Variants in PIGU observed in about 807,000 individuals in gnomAD.
PIGU encodes phosphatidylinositol glycan anchor biosynthesis class U.
PIGU carries 24 observed loss-of-function variants against 49.9 expected under a neutral mutation model. The observed-to-expected ratio is 0.48, with a 90% CI of 0.35 to 0.68. The LOEUF is 0.68. PIGU is among the 30% of genes least tolerant of loss of function. PIGU has a pLI of 0.01. For synonymous variants in PIGU, 220 were observed against 205.7 expected, an observed-to-expected ratio of 1.07 and a Z score of -0.59; for missense variants, 490 against 532.6, an observed-to-expected ratio of 0.92 and a Z score of 0.79.
intron 7 of PIGU, among the ~76,000 whole-genome samples, chr20:34,611,856 A>G (rs901744621): frequency 6.6e-6 from 1 of 152,186 alleles, no homozygotes; most frequent in African/African-American, 2.4e-5. Context: ...TAAAGTCTGG[A>G]AAAACAGATG....
chr20:34,582,389 G>T (rs751178186), intron 9 of PIGU, among the ~76,000 whole-genome samples: 2 of 152,076 alleles, frequency 1.3e-5, no homozygotes, highest in Non-Finnish European at 2.9e-5. Flanking sequence ...CTCAAGGCAG[G>T]CAATCCTGGG....
intron 1 of PIGU, among the ~76,000 whole-genome samples, chr20:34,659,137 C>T (rs1254518220): frequency 2.1e-4 from 28 of 130,378 alleles, no homozygotes; most frequent in South Asian, 9.8e-4. Flanking sequence ...CGCCTCTGCC[C>T]GGCTGCCCCT....
At chr20:34,660,378 C>T (rs1009339930) in intron 1 of PIGU, among the ~76,000 whole-genome samples, 3 of 152,132 alleles carry the variant, frequency 2.0e-5, no homozygotes, top group Non-Finnish European at 4.4e-5. Flanking sequence ...TGAGGTCAGG[C>T]GTTCAAGACC....
At chr20:34,659,127 C>T (rs1181583470) in intron 1 of PIGU, among the ~76,000 whole-genome samples, 15 of 126,166 alleles carry the variant, frequency 1.2e-4, no homozygotes, top group African/African-American at 3.1e-4. Flanking sequence ...AGGTGAGGGG[C>T]GCCTCTGCCC....
rs760833968 is a variant in PIGU at position 34,575,209 on chromosome 20, G to A, written c.1089C>T (p.Ile363=). ...RNIFVLTCII[I]VCSLLFPVLW... is the part of the protein sequence containing the mutation. ...GGACAGGGAAGAGCAGGGAACAGACGATGATGATGCAGGTGAGGACAAAGA... is the reference window on the plus strand; with the variant it reads ...GGACAGGGAAGAGCAGGGAACAGACAATGATGATGCAGGTGAGGACAAAGA... Residue 363 remains isoleucine, a synonymous_variant, in exon 11 of 12, where the codon ATC becomes ATT. Coordinates refer to ENST00000217446, the MANE Select transcript of PIGU (RefSeq NM_080476.5). 6 of 1,614,052 alleles carry A rather than the reference G, an allele frequency of 3.7e-6. No individual in the cohort carries two copies. The highest frequency in any genetic ancestry group is 2.7e-5 in the African/African-American group (2 of 74,920).
At chr20:34,629,319 G>A (rs1011885435) in intron 6 of PIGU, among the ~76,000 whole-genome samples, 11 of 152,172 alleles carry the variant, frequency 7.2e-5, no homozygotes, top group African/African-American at 2.2e-4. Flanking sequence ...ACCATGCCGG[G>A]CCATATGTTA....
At chr20:34,623,173 G>C (rs776395072) in intron 6 of PIGU, among the ~76,000 whole-genome samples, 1 of 151,754 alleles carries the variant, frequency 6.6e-6, no homozygotes, top group Non-Finnish European at 1.5e-5. Context: ...TACCAAGACA[G>C]GCAGAAACGC....
At chr20:34,628,283 G>T (rs994574459) in intron 6 of PIGU, among the ~76,000 whole-genome samples, 5 of 152,014 alleles carry the variant, frequency 3.3e-5, no homozygotes, top group Non-Finnish European at 7.4e-5. Context: ...AGGAGTTCAA[G>T]ACCAGCCTGG....
At position 34,670,487 on chromosome 20, in the gene PIGU, G is replaced by A. The variant is rs960001958; in HGVS notation, c.130+6469C>T. On this transcript the variant is annotated intron_variant, in intron 1 of 11. Coordinates refer to ENST00000217446, the MANE Select transcript of PIGU (RefSeq NM_080476.5). ...TGGGATTACAGGTGTGAGCCACCTC[G>A]CCTGGCCATAAAGGCTTTTTTAAGT... Among the ~76,000 whole-genome samples, 5 of 151,718 alleles carry A rather than the reference G, an allele frequency of 3.3e-5. No individual in the cohort carries two copies. In the South Asian group the frequency reaches 8.3e-4, roughly 25 times the overall value.
At chr20:34,622,536 A>C (rs1177365216) in intron 6 of PIGU, among the ~76,000 whole-genome samples, 1 of 152,118 alleles carries the variant, frequency 6.6e-6, no homozygotes, top group African/African-American at 2.4e-5. Context: ...AAAAACAAAA[A>C]AAAAGTTACA....
At chr20:34,561,152 T>A (rs1982488978) in intron 11 of PIGU, among the ~76,000 whole-genome samples, 173 bp from the exon 12 acceptor site, 1 of 152,144 alleles carries the variant, frequency 6.6e-6, no homozygotes, top group Non-Finnish European at 1.5e-5. Flanking sequence ...TAATTGACCC[T>A]GCAAGGTCTG....
At position 34,560,905 on chromosome 20, in the gene PIGU, G is replaced by T. The variant is rs372633825; in HGVS notation, c.1269C>A (p.Thr423=). ...GCATGGCCTCTGTGCCATCCTTGGC[G>T]GTCAAGTAGAGGCCATGTGTGAGGT... ...EYYLTHGLYL[T]AKDGTEAMLV... Residue 423 remains threonine (T), a synonymous_variant, in exon 12 of 12, where the codon ACC becomes ACA. Transcript: ENST00000217446. The T allele has an allele frequency of 2.5e-6, 4 of 1,612,444 alleles. No individual in the cohort carries two copies. The highest frequency in any genetic ancestry group is 2.2e-5 in the East Asian group (1 of 44,792).
chr20:34,593,139 C>T (rs1011273301), intron 7 of PIGU, among the ~76,000 whole-genome samples: 2 of 151,960 alleles, frequency 1.3e-5, no homozygotes, highest in African/African-American at 4.8e-5. Flanking sequence ...GAGTTCAAGA[C>T]CAGCCTGAGC....
At chr20:34,634,588 C>A (rs754889731) in intron 6 of PIGU, 27 bp downstream of exon 6, 1 of 1,608,342 alleles carries the variant, frequency 6.2e-7, no homozygotes, top group Admixed American at 1.7e-5. Context: ...AGGGACTGAC[C>A]TTTGTACTCT....
chr20:34,568,860 C>A (rs1005464240), intron 11 of PIGU, among the ~76,000 whole-genome samples: 2 of 152,078 alleles, frequency 1.3e-5, no homozygotes, highest in African/African-American at 2.4e-5. Context: ...CCCCTCATGG[C>A]AAATAGGCAG....
chr20:34,610,739 T>C (rs1395468535), intron 7 of PIGU, among the ~76,000 whole-genome samples: 7 of 152,130 alleles, frequency 4.6e-5, no homozygotes. Flanking sequence ...AAAGAGCCTG[T>C]GTAGCCAAGA....
At chr20:34,634,779 A>G in intron 5 of PIGU, 64 bp from the exon 6 acceptor site, 1 of 1,573,860 alleles carries the variant, frequency 6.4e-7, no homozygotes, top group Non-Finnish European at 8.6e-7. Flanking sequence ...CCATTACAGC[A>G]AGGAAGTTCC....
chr20:34,670,058 G>T (rs1343664972), intron 1 of PIGU, among the ~76,000 whole-genome samples: 1 of 152,174 alleles, frequency 6.6e-6, no homozygotes, highest in Non-Finnish European at 1.5e-5. Flanking sequence ...ACGAAGGGGG[G>T]CTTCTGAAGT....
intron 1 of PIGU, among the ~76,000 whole-genome samples, chr20:34,671,165 C>T (rs905782910): frequency 6.6e-6 from 1 of 152,122 alleles, no homozygotes; most frequent in African/African-American, 2.4e-5. Flanking sequence ...TAACAGTTTG[C>T]CATTTTAGAG....
Sources: allele counts gnomAD v4.1 joint callset (sites outside exome capture counted in the v4.1 genomes callset), GRCh38; gene constraint gnomAD v4.1.1; transcripts MANE v1.5; gene names NCBI Gene and HGNC (gene_info 2026-07-23, HGNC 2026-07-21).